The following CSMD1 variants were observed in gnomAD, a reference collection of about 807,000 sequenced individuals.
CSMD1 encodes the protein CUB and sushi domain-containing protein 1.
A neutral mutation model predicts 417.5 loss-of-function variants in CSMD1; 213 were observed. That is an observed-to-expected ratio of 0.51 (90% CI 0.46 to 0.57). The LOEUF (loss-of-function observed/expected upper bound fraction) is 0.57, where lower values mean the gene tolerates loss of function less well. Among genes scored for constraint, CSMD1 ranks in the 20% least tolerant of loss-of-function variants. The pLI is 0.00. For synonymous variants in CSMD1, 2,862 were observed against 1,736.8 expected (o/e 1.65, Z -16.11); for missense variants, 6,923 against 4,529.7 (o/e 1.53, Z -15.17).
At chr8:4,507,310 G>T (rs748786366) in intron 2 of CSMD1, among the ~76,000 whole-genome samples, 3 of 152,124 alleles carry the variant, frequency 2.0e-5, no homozygotes, top group African/African-American at 4.8e-5. Flanking sequence ...CACTTACCTT[G>T]TAAAAGAATA....
intron 2 of CSMD1, among the ~76,000 whole-genome samples, chr8:4,490,073 G>C (rs1801625011): frequency 7.6e-6 from 1 of 131,212 alleles, no homozygotes; most frequent in South Asian, 2.4e-4. Flanking sequence ...ACCGAGTCTT[G>C]CTCTGTCACC....
chr8:3,036,666 G>C (rs1039670952), intron 50 of CSMD1, among the ~76,000 whole-genome samples: 1 of 152,088 alleles, frequency 6.6e-6, no homozygotes, highest in Non-Finnish European at 1.5e-5. Context: ...GACAACTTTG[G>C]TTTGGGTAAA....
chr8:4,638,973 C>T (rs1803026666), intron 1 of CSMD1, among the ~76,000 whole-genome samples: 2 of 152,276 alleles, frequency 1.3e-5, no homozygotes, highest in East Asian at 1.9e-4. Flanking sequence ...AAATTGTAGG[C>T]CCCAGGCTTC....
At chr8:3,719,977 G>C (rs4875782) in intron 6 of CSMD1, among the ~76,000 whole-genome samples, 77,614 of 151,976 alleles carry the variant, frequency 0.51, 19,973 homozygotes, top group South Asian at 0.66. Flanking sequence ...GACCCTCAGA[G>C]CTGTGGTGAA....
chr8:3,070,400 C>A (rs906436973), intron 49 of CSMD1, among the ~76,000 whole-genome samples: 1 of 152,184 alleles, frequency 6.6e-6, no homozygotes, highest in Non-Finnish European at 1.5e-5. Flanking sequence ...AACTTTAAGT[C>A]ATTTATTTGC....
chr8:4,881,608 TTTAA>T (rs536068226), intron 1 of CSMD1, among the ~76,000 whole-genome samples: 13 of 151,902 alleles, frequency 8.6e-5, no homozygotes, highest in Admixed American at 2.0e-4. Context: ...TAAATTCATG[TTTAA>T]TTGATTTCTT....
At chr8:3,903,445 A>C (rs954851428) in intron 5 of CSMD1, among the ~76,000 whole-genome samples, 1 of 152,192 alleles carries the variant, frequency 6.6e-6, no homozygotes, top group African/African-American at 2.4e-5. Context: ...CATACACATT[A>C]TGTAAAATAT....
At chr8:4,017,908 T>C (rs1381205056) in intron 4 of CSMD1, among the ~76,000 whole-genome samples, 2 of 152,162 alleles carry the variant, frequency 1.3e-5, no homozygotes, top group Non-Finnish European at 2.9e-5. Flanking sequence ...CATCACGGTA[T>C]TTCTGATGAC....
chr8:4,622,438 T>A (rs1256486456), intron 2 of CSMD1, among the ~76,000 whole-genome samples: 1 of 152,014 alleles, frequency 6.6e-6, no homozygotes, highest in South Asian at 2.1e-4. Flanking sequence ...ACTATGGAGA[T>A]GATTGTCACT....
At chr8:4,024,767 A>G (rs1018826015) in intron 4 of CSMD1, among the ~76,000 whole-genome samples, 4 of 152,208 alleles carry the variant, frequency 2.6e-5, no homozygotes, top group Admixed American at 1.3e-4. Context: ...TACGGCATAC[A>G]TAAACATACG....
At chr8:3,151,003 TA>T (rs1423954112) in intron 40 of CSMD1, among the ~76,000 whole-genome samples, 1 of 152,196 alleles carries the variant, frequency 6.6e-6, no homozygotes, top group Non-Finnish European at 1.5e-5. Context: ...GTTTTATATT[TA>T]AAAGGAGTCA....
At chr8:4,132,306 C>G (rs549447368) in intron 3 of CSMD1, among the ~76,000 whole-genome samples, 4 of 150,160 alleles carry the variant, frequency 2.7e-5, no homozygotes, top group African/African-American at 4.9e-5. Flanking sequence ...AAGGTAAACT[C>G]AGACTGAGCA....
At chr8:3,272,572 G>A (rs1348427160) in intron 26 of CSMD1, among the ~76,000 whole-genome samples, 1 of 137,064 alleles carries the variant, frequency 7.3e-6, no homozygotes, top group Non-Finnish European at 1.6e-5. Context: ...AGCATGGAAT[G>A]TTCTTCCATT....
chr8:3,391,220 T>G (rs376813952), intron 17 of CSMD1, among the ~76,000 whole-genome samples: 5 of 152,226 alleles, frequency 3.3e-5, no homozygotes, highest in African/African-American at 9.6e-5. Flanking sequence ...CTAAATATAC[T>G]CCTTTATCAC....
At chr8:4,471,929 G>T (rs1445773116) in intron 2 of CSMD1, among the ~76,000 whole-genome samples, 1 of 152,078 alleles carries the variant, frequency 6.6e-6, no homozygotes, top group East Asian at 1.9e-4. Flanking sequence ...AAATAACAGG[G>T]ACTTTATAGA....
intron 26 of CSMD1, among the ~76,000 whole-genome samples, chr8:3,251,744 C>A (rs983280666): frequency 2.6e-5 from 4 of 152,138 alleles, no homozygotes; most frequent in African/African-American, 9.7e-5. Flanking sequence ...TTTCATTGAG[C>A]AGTGGATTGT....
At chr8:4,208,295 G>C (rs1800101093) in intron 3 of CSMD1, among the ~76,000 whole-genome samples, 1 of 152,112 alleles carries the variant, frequency 6.6e-6, no homozygotes, top group East Asian at 1.9e-4. Context: ...AGAAGAATTA[G>C]AAAAAAAGAC....
intron 60 of CSMD1, 88 bp from the exon 61 acceptor site, chr8:2,962,727 C>G: frequency 1.5e-6 from 2 of 1,359,934 alleles, no homozygotes; most frequent in Non-Finnish European, 2.0e-6. Flanking sequence ...TCTGTTAAAT[C>G]TTTAGCTTTA....
intron 49 of CSMD1, among the ~76,000 whole-genome samples, chr8:3,053,013 C>T (rs559864602): frequency 1.3e-5 from 2 of 152,256 alleles, no homozygotes; most frequent in South Asian, 2.1e-4. Flanking sequence ...AACTCCCAAA[C>T]TCAGGTGATC....
Sources: gnomAD v4.1 joint callset for allele counts (sites outside exome capture counted in the v4.1 genomes callset) on GRCh38, gnomAD v4.1.1 for gene constraint, MANE v1.5 for transcripts, NCBI Gene and HGNC (gene_info 2026-07-23, HGNC 2026-07-21) for gene names.